Variants in RALGAPB observed in about 807,000 individuals in gnomAD.
The protein encoded by RALGAPB is Ral GTPase activating protein non-catalytic subunit beta, also known as ral GTPase-activating protein subunit beta.
RALGAPB carries 25 observed loss-of-function variants against 161.1 expected under a neutral mutation model. The ratio of observed to expected loss-of-function variants is 0.16; its 90% confidence interval spans 0.11 to 0.22. The LOEUF is 0.22. Ranked by LOEUF, RALGAPB falls within the 10% of genes least tolerant of loss-of-function variation. The pLI is 1.00. For missense variants in RALGAPB, 1,391 were observed against 1,815.2 expected (o/e 0.77, Z 4.25); for synonymous variants, 629 against 626.1 (o/e 1.00, Z -0.07).
intron 1 of RALGAPB, among the ~76,000 whole-genome samples, chr20:38,482,438 T>TTC (rs1483277574): frequency 6.7e-6 from 1 of 149,112 alleles, no homozygotes; most frequent in Middle Eastern, 3.2e-3. Context: ...TTTTTTTTTT[T>TTC]TTTTTTTGAG....
chr20:38,519,725 T>A (rs1280231366), intron 9 of RALGAPB, among the ~76,000 whole-genome samples: 4 of 152,124 alleles, frequency 2.6e-5, no homozygotes, highest in Non-Finnish European at 5.9e-5. Flanking sequence ...ATATGAGGTG[T>A]CCAAATAGTT....
intron 6 of RALGAPB, among the ~76,000 whole-genome samples, chr20:38,510,003 A>G (rs2085886370): frequency 6.6e-6 from 1 of 151,420 alleles, no homozygotes; most frequent in African/African-American, 2.4e-5. Context: ...ATCATTTTCT[A>G]TTTCCTTTGT....
At chr20:38,519,116 T>C (rs2086216515) in intron 9 of RALGAPB, among the ~76,000 whole-genome samples, 1 of 152,238 alleles carries the variant, frequency 6.6e-6, no homozygotes. Context: ...AATTTGAGAA[T>C]GCCATGGTTG....
intron 9 of RALGAPB, among the ~76,000 whole-genome samples, chr20:38,519,549 T>A (rs1351228677): frequency 6.6e-6 from 1 of 152,180 alleles, no homozygotes; most frequent in African/African-American, 2.4e-5. Flanking sequence ...CCAGGGAGTT[T>A]GTAACAGCTT....
chr20:38,542,845 CA>C (rs1480644405), intron 18 of RALGAPB, among the ~76,000 whole-genome samples: 2 of 151,542 alleles, frequency 1.3e-5, no homozygotes, highest in East Asian at 3.9e-4. Context: ...ATCCTGGCAA[CA>C]GAGTGAGATT....
intron 10 of RALGAPB, among the ~76,000 whole-genome samples, chr20:38,522,717 C>A (rs1738911479): frequency 1.3e-5 from 2 of 152,116 alleles, no homozygotes; most frequent in African/African-American, 4.8e-5. Flanking sequence ...TATATACAGG[C>A]AAATAGGCAG....
intron 22 of RALGAPB, among the ~76,000 whole-genome samples, chr20:38,555,088 G>A (rs2087530819): frequency 6.6e-6 from 1 of 150,722 alleles, no homozygotes; most frequent in African/African-American, 2.4e-5. Context: ...TGTCTCTTGG[G>A]AAAAAAAAAT....
chr20:38,510,457 C>T (rs1023397775), intron 6 of RALGAPB, among the ~76,000 whole-genome samples: 2 of 152,100 alleles, frequency 1.3e-5, no homozygotes, highest in Admixed American at 6.5e-5. Flanking sequence ...ATATTTATCT[C>T]TTCTTGCCTG....
At chr20:38,524,250 C>G (rs1455279652) in intron 10 of RALGAPB, among the ~76,000 whole-genome samples, 1 of 152,150 alleles carries the variant, frequency 6.6e-6, no homozygotes. Flanking sequence ...ATGCAGGTTT[C>G]TTTCTTTCAT....
Position 38,574,154 on chromosome 20 carries a change from A to T in RALGAPB, c.4147A>T (p.Thr1383Ser), listed in dbSNP as rs142426230. The T allele has an allele frequency of 1.2e-5, 19 of 1,606,702 alleles. No individual in the cohort carries two copies. Among genetic ancestry groups the T allele is most frequent in the Non-Finnish European group, 1.4e-5 (17 of 1,177,524 alleles). The change falls in exon 29 of 30, where the codon ACA (threonine) becomes TCA (serine). Residue 1383 changes from threonine to serine, a missense_variant. Thr to Ser is a moderately conservative substitution (Grantham distance 58, BLOSUM62 1). Around this residue, in one of 3 missense-constraint regions of RALGAPB, gnomAD observed 436 missense variants for 527.0 expected, o/e 0.83. Transcript: ENST00000262879. The stretch of plus-strand genomic sequence containing the variant: ...TAACAATTTTCTTTTCTTAAGATCT[A>T]CAACTCTTGAAAAAGAAGTTCCTGT... The part of the protein sequence containing the change: ...TANSSTSLRS[T>S]TLEKEVPVIF...
rs920875191 is a variant in RALGAPB, at chr20:38,472,873, G to A, written c.-227G>A. 8 of 398,882 alleles carry A rather than the reference G, an allele frequency of 2.0e-5. No individual in the cohort carries two copies. The highest frequency in any genetic ancestry group is 3.1e-5 in the Non-Finnish European group (7 of 226,032). 24.7% of individuals were successfully genotyped at this position (398,882 alleles called of 1,614,324 possible). A position where few individuals can be genotyped will look rare whatever the true frequency, so the allele number is the denominator to read the frequency against. ...GAAGTTGCCTGAGCAGATCCCAGCC[G>A]GCTGGCTCGAGTGGCCTTCGTCGTC... On this transcript the variant is annotated 5_prime_UTR_variant, in exon 1 of 30. Transcript: ENST00000262879.
intron 10 of RALGAPB, among the ~76,000 whole-genome samples, chr20:38,522,584 T>G (rs774526109): frequency 6.6e-6 from 1 of 152,142 alleles, no homozygotes; most frequent in Non-Finnish European, 1.5e-5. Flanking sequence ...AGTGCAGAAG[T>G]GAGGTTAATA....
chr20:38,479,258 T>G (rs971081824), intron 1 of RALGAPB, among the ~76,000 whole-genome samples: 1 of 152,228 alleles, frequency 6.6e-6, no homozygotes, highest in Non-Finnish European at 1.5e-5. Flanking sequence ...TAATGTTTGT[T>G]TAATGAAATA....
At chr20:38,534,992 C>T (rs2086760474) in intron 15 of RALGAPB, 82 bp from the exon 16 acceptor site, 12 of 1,490,418 alleles carry the variant, frequency 8.1e-6, no homozygotes, top group Non-Finnish European at 1.1e-5. Flanking sequence ...GTGGTCTGTG[C>T]CTAGTGGATG....
chr20:38,538,374 C>T (rs2086871027), intron 16 of RALGAPB: 2 of 215,740 alleles, frequency 9.3e-6, no homozygotes, highest in Non-Finnish European at 1.0e-5. Context: ...ACCACGTGAG[C>T]ACTGTAGACC....
At chr20:38,551,509 G>C (rs780135476) in intron 21 of RALGAPB, among the ~76,000 whole-genome samples, 1 of 152,186 alleles carries the variant, frequency 6.6e-6, no homozygotes, top group Non-Finnish European at 1.5e-5. Flanking sequence ...GGAAAAGGAA[G>C]ACCAGTTCAG....
chr20:38,557,088 T>G (rs2087610928), intron 22 of RALGAPB, among the ~76,000 whole-genome samples: 1 of 152,216 alleles, frequency 6.6e-6, no homozygotes, highest in African/African-American at 2.4e-5. Flanking sequence ...TGGAGGATGC[T>G]TTCCTGAAAG....
intron 25 of RALGAPB, among the ~76,000 whole-genome samples, chr20:38,565,966 G>A (rs184637647): frequency 7.9e-5 from 12 of 152,316 alleles, no homozygotes; most frequent in East Asian, 1.9e-4. Flanking sequence ...AGAATTGGGA[G>A]TAATTATTAC....
rs976301220 is a variant in RALGAPB at position 38,548,700 on chromosome 20, C to G, written c.2914C>G (p.Pro972Ala). The G allele has an allele frequency of 1.2e-5, 19 of 1,610,976 alleles. No homozygotes were observed. Among genetic ancestry groups the G allele is most frequent in the Non-Finnish European group, 1.5e-5 (18 of 1,178,246 alleles). ...ATATTTTATTCTAGATGATTTTTTC[C>G]CCTCTGTCACTGTGCTGGTCCGGGG... Reference protein sequence around the residue: ...PLGNEQNDFFPSVTVLVRGMS... With the variant: ...PLGNEQNDFFASVTVLVRGMS... Residue 972 changes from proline to alanine, a missense_variant, in exon 20 of 30, where the codon CCC becomes GCC. Pro to Ala is a conservative substitution (Grantham distance 27, BLOSUM62 -1). Around this residue, in one of 3 missense-constraint regions of RALGAPB, gnomAD observed 946 missense variants for 1,257.2 expected, o/e 0.75. Coordinates refer to ENST00000262879, the MANE Select transcript of RALGAPB (RefSeq NM_020336.4).
Sources: gnomAD v4.1 joint callset for allele counts (sites outside exome capture counted in the v4.1 genomes callset) on GRCh38, gnomAD v4.1.1 for gene constraint, gnomAD v4.1.1 regional missense constraint, MANE v1.5 for transcripts, NCBI Gene and HGNC (gene_info 2026-07-23, HGNC 2026-07-21) for gene names.